CCSER1: variants seen among roughly 807,000 people sequenced by gnomAD.
The protein encoded by CCSER1 is coiled-coil serine rich protein 1.
A neutral mutation model predicts 82.0 loss-of-function variants in CCSER1; 41 were observed. That is an observed-to-expected ratio of 0.50 (90% CI 0.39 to 0.65). CCSER1 has a LOEUF of 0.65. CCSER1 is among the 30% of genes least tolerant of loss of function. The pLI, the probability that CCSER1 is intolerant of heterozygous loss-of-function variation, is 0.00. For missense variants in CCSER1, 1,119 were observed against 1,064.2 expected (o/e 1.05, Z -0.72); for synonymous variants, 414 against 383.9 (o/e 1.08, Z -0.92).
At position 90,467,596 on chromosome 4, in the gene CCSER1, T is replaced by C. The variant is rs548475328; in HGVS notation, c.1604-638T>C. On this transcript the variant is annotated intron_variant, in intron 4 of 10. Transcript: ENST00000509176. ...TACTCGGGAGGCTGAGGAAGGAGAA[T>C]CCCTTGGACTTGGGAGGCGGAGGTT... 6.5e-3 allele frequency among the ~76,000 whole-genome samples: 980 copies of C among 151,668 alleles called. 7 individuals carry two copies. Among genetic ancestry groups the C allele is most frequent in the Non-Finnish European group, 8.7e-3 (591 of 67,940 alleles).
chr4:90,570,581 G>T (rs949519321), intron 5 of CCSER1, among the ~76,000 whole-genome samples: 1 of 152,092 alleles, frequency 6.6e-6, no homozygotes, highest in Non-Finnish European at 1.5e-5. Flanking sequence ...CTTCAACATG[G>T]ACTATCCCTA....
intron 3 of CCSER1, among the ~76,000 whole-genome samples, chr4:90,329,028 A>T (rs1268960828): frequency 1.3e-5 from 2 of 152,158 alleles, no homozygotes; most frequent in Non-Finnish European, 2.9e-5. Context: ...GTACCTCCTA[A>T]TCTTTCATAT....
At chr4:90,214,888 T>G (rs543844379) in intron 1 of CCSER1, among the ~76,000 whole-genome samples, 1 of 152,344 alleles carries the variant, frequency 6.6e-6, no homozygotes, top group East Asian at 1.9e-4. Flanking sequence ...ATGTTACATT[T>G]TATTCTAATT....
intron 8 of CCSER1, among the ~76,000 whole-genome samples, chr4:90,852,421 A>T (rs547638817): frequency 2.9e-4 from 44 of 152,306 alleles, no homozygotes; most frequent in African/African-American, 1.1e-3. Flanking sequence ...GCAGATTCCT[A>T]GGGGAAGCTT....
rs187643813 is a variant in CCSER1 at position 91,323,331 on chromosome 4, A to T, written c.2217+237337A>T. Reference sequence around the variant, plus strand: ...CTCATTTTAAATGCAGATTCATAGGACTCCTCCTTAGAGGTTCTAATTCCT... The same window carrying T: ...CTCATTTTAAATGCAGATTCATAGGTCTCCTCCTTAGAGGTTCTAATTCCT... On this transcript the variant is annotated intron_variant, in intron 10 of 10. Transcript: ENST00000509176. 1.6e-4 allele frequency among the ~76,000 whole-genome samples: 24 copies of T among 151,986 alleles called. No homozygotes were observed. The East Asian group carries it at 4.6e-3, about 29-fold the overall frequency.
chr4:91,311,862 A>G (rs984292428), intron 10 of CCSER1, among the ~76,000 whole-genome samples: 10 of 151,936 alleles, frequency 6.6e-5, no homozygotes, highest in African/African-American at 9.7e-5. Flanking sequence ...TGCAGAGAAC[A>G]TGTTTATTTA....
intron 9 of CCSER1, among the ~76,000 whole-genome samples, chr4:91,058,704 C>T (rs902011605): frequency 6.6e-6 from 1 of 152,038 alleles, no homozygotes; most frequent in Non-Finnish European, 1.5e-5. Context: ...CTCCTTGACT[C>T]AAGGCCTTAG....
intron 7 of CCSER1, among the ~76,000 whole-genome samples, chr4:90,793,062 GT>G (rs1755490837): frequency 6.6e-6 from 1 of 152,134 alleles, no homozygotes; most frequent in Admixed American, 6.5e-5. Flanking sequence ...CAAAAACTGT[GT>G]TACACACTTC....
chr4:90,574,524 T>A (rs1218249584), intron 5 of CCSER1, among the ~76,000 whole-genome samples: 2 of 151,582 alleles, frequency 1.3e-5, no homozygotes, highest in Non-Finnish European at 2.9e-5. Flanking sequence ...CGCCTCGGCC[T>A]CCCAAAGTGC....
intron 10 of CCSER1, among the ~76,000 whole-genome samples, chr4:91,549,267 TCTA>T (rs1356458980): frequency 7.9e-5 from 12 of 152,280 alleles, no homozygotes; most frequent in South Asian, 2.1e-4. Context: ...TTGCATGTTG[TCTA>T]CTTTTTCTAA....
In CCSER1 at chr4:91,370,576, G is replaced by T. The variant is rs184593227; in HGVS notation, c.2218-227996G>T. 3.3e-5 allele frequency among the ~76,000 whole-genome samples: 5 copies of T among 151,928 alleles called. No individual in the cohort carries two copies. The East Asian group carries it at 9.8e-4, about 30-fold the overall frequency. On this transcript the variant is annotated intron_variant, in intron 10 of 10. Transcript: ENST00000509176. Reference sequence around the variant, plus strand: ...CAGGCGTGGTAGCACAACATCTATAGTCCCAGATACTCAGGAGGCTGAGGC... The same window carrying T: ...CAGGCGTGGTAGCACAACATCTATATTCCCAGATACTCAGGAGGCTGAGGC...
chr4:91,130,245 A>G (rs1727881704), intron 10 of CCSER1, among the ~76,000 whole-genome samples: 1 of 151,828 alleles, frequency 6.6e-6, no homozygotes, highest in Non-Finnish European at 1.5e-5. Context: ...ACTTATTTTT[A>G]TATATTATTT....
chr4:91,420,299 T>A (rs1753616772), intron 10 of CCSER1, among the ~76,000 whole-genome samples: 1 of 152,076 alleles, frequency 6.6e-6, no homozygotes, highest in African/African-American at 2.4e-5. Flanking sequence ...ATATGTCTGA[T>A]AATTGGTTGA....
intron 1 of CCSER1, among the ~76,000 whole-genome samples, chr4:90,163,366 C>T (rs942163226): frequency 6.6e-6 from 1 of 152,004 alleles, no homozygotes; most frequent in African/African-American, 2.4e-5. Context: ...CTCTTTAGGC[C>T]TTGAATTTGG....
At chr4:90,698,812 C>A (rs1338639436) in intron 6 of CCSER1, among the ~76,000 whole-genome samples, 1 of 152,102 alleles carries the variant, frequency 6.6e-6, no homozygotes, top group East Asian at 1.9e-4. Flanking sequence ...TAAACCAACT[C>A]AACAAGAGTT....
At chr4:90,132,134 A>G (rs947505943) in intron 1 of CCSER1, among the ~76,000 whole-genome samples, 2 of 152,238 alleles carry the variant, frequency 1.3e-5, no homozygotes, top group Admixed American at 1.3e-4. Context: ...GTGAAAGCCT[A>G]TTTAATCACC....
intron 10 of CCSER1, among the ~76,000 whole-genome samples, chr4:91,445,222 C>A (rs1922236): frequency 2.6e-5 from 4 of 152,040 alleles, no homozygotes; most frequent in Admixed American, 6.6e-5. Flanking sequence ...GTGCAAAACC[C>A]TTTCAAGAAT....
intron 10 of CCSER1, among the ~76,000 whole-genome samples, chr4:91,580,397 CTT>C (rs766573192): frequency 7.9e-5 from 12 of 151,854 alleles, no homozygotes; most frequent in Non-Finnish European, 1.6e-4. Flanking sequence ...ATTCTTTAAT[CTT>C]TCTTTTCTAA....
At chr4:90,716,299 A>T (rs539870536) in intron 6 of CCSER1, among the ~76,000 whole-genome samples, 7 of 152,052 alleles carry the variant, frequency 4.6e-5, no homozygotes, top group South Asian at 2.1e-4. Flanking sequence ...ATGTACAAAA[A>T]TTTTTAAAAA....
Sources: gnomAD v4.1 joint callset for allele counts (sites outside exome capture counted in the v4.1 genomes callset) on GRCh38, gnomAD v4.1.1 for gene constraint, MANE v1.5 for transcripts, NCBI Gene and HGNC (gene_info 2026-07-23, HGNC 2026-07-21) for gene names.